Variants in FER1L6 observed in about 807,000 individuals in gnomAD.
FER1L6 encodes the protein fer-1-like protein 6.
Under a neutral mutation model 219.2 loss-of-function variants are expected in FER1L6, and 177 were observed. The observed-to-expected ratio is 0.81, with a 90% CI of 0.71 to 0.91. FER1L6 has a LOEUF of 0.91. Among genes scored for constraint, FER1L6 ranks in the 40% least tolerant of loss-of-function variants. FER1L6 has a pLI of 0.00. For missense variants in FER1L6, 2,153 were observed against 2,259.9 expected, an observed-to-expected ratio of 0.95 and a Z score of 0.96; for synonymous variants, 768 against 824.3, an observed-to-expected ratio of 0.93 and a Z score of 1.17.
chr8:124,086,836 A>G (rs1209675026), intron 33 of FER1L6, among the ~76,000 whole-genome samples: 2 of 152,138 alleles, frequency 1.3e-5, no homozygotes, highest in Non-Finnish European at 2.9e-5. Context: ...CTTCATATTT[A>G]AAGAATACTT....
intron 39 of FER1L6, among the ~76,000 whole-genome samples, chr8:124,109,475 C>T (rs747288987): frequency 1.3e-5 from 2 of 152,092 alleles, no homozygotes; most frequent in African/African-American, 2.4e-5. Context: ...GTCTGCAGTT[C>T]GACTTTACAG....
At chr8:123,933,367 C>CGTGT (rs1563692476) in intron 1 of FER1L6, among the ~76,000 whole-genome samples, 1 of 146,840 alleles carries the variant, frequency 6.8e-6, no homozygotes, top group Non-Finnish European at 1.5e-5. Context: ...TCTATCATAG[C>CGTGT]ATATGTGTGT....
intron 1 of FER1L6, among the ~76,000 whole-genome samples, chr8:123,886,227 C>T (rs1453898198): frequency 1.3e-5 from 2 of 152,036 alleles, no homozygotes; most frequent in African/African-American, 4.8e-5. Flanking sequence ...ATGGTTTGTC[C>T]CCACCTACAC....
In FER1L6 at chr8:124,080,527, A is replaced by AACAT. The variant is rs1821495806; in HGVS notation, c.4221-1761_4221-1760insACAT. Among the ~76,000 whole-genome samples the AACAT allele has an allele frequency of 7.2e-5, 11 of 152,272 alleles. No homozygotes were observed. The South Asian group carries it at 2.3e-3, about 32-fold the overall frequency. Reference sequence around the variant, plus strand: ...GAGACAGGGTTTCACCATGTTGGCCAGGCTTGTCTCGAACTCCTGGCCTCG... The same window carrying AACAT: ...GAGACAGGGTTTCACCATGTTGGCCAACATGGCTTGTCTCGAACTCCTGGCCTCG... On this transcript the variant is annotated intron_variant, in intron 32 of 40. Coordinates refer to ENST00000522917, the MANE Select transcript of FER1L6 (RefSeq NM_001039112.2).
intron 1 of FER1L6, among the ~76,000 whole-genome samples, chr8:123,893,213 G>A (rs190679235): frequency 1.5e-3 from 223 of 152,236 alleles, no homozygotes; most frequent in African/African-American, 5.2e-3. Flanking sequence ...TTCTTTGGGG[G>A]AGTTCACAGA....
Position 124,106,328 on chromosome 8 carries a change from C to CAAAA in FER1L6, c.5289+3049_5289+3052dup, listed in dbSNP as rs71289636. Among the ~76,000 whole-genome samples the CAAAA allele has an allele frequency of 9.4e-4, 60 of 63,854 alleles. 3 individuals are homozygous for CAAAA. The highest frequency in any genetic ancestry group is 2.0e-3 in the African/African-American group (31 of 15,544). The allele number at this position is 63,854 out of a possible 152,430, so 41.9% of individuals were successfully genotyped here. ...TGGGCGACAGAGTGAGACTCTGTCTCAAAAAAAAAAAAAAAAAAAAAAAAA... is the reference window on the plus strand; with the variant it reads ...TGGGCGACAGAGTGAGACTCTGTCTCAAAAAAAAAAAAAAAAAAAAAAAAAAAAA... On this transcript the variant is annotated intron_variant, in intron 39 of 40. Transcript: ENST00000522917.
chr8:124,004,997 C>CAAA (rs1358187234), intron 13 of FER1L6, among the ~76,000 whole-genome samples: 1 of 120,118 alleles, frequency 8.3e-6, no homozygotes, highest in African/African-American at 3.0e-5. Context: ...GACTCTGTCT[C>CAAA]AAAAAAAAAA....
chr8:123,862,211 G>T (rs1269196046), intron 1 of FER1L6, among the ~76,000 whole-genome samples: 3 of 77,696 alleles, frequency 3.9e-5, no homozygotes, highest in African/African-American at 6.5e-5. Flanking sequence ...TTTGTCAAAG[G>T]CTTTTTCTGC....
chr8:124,041,561 AT>A (rs1819497423), intron 20 of FER1L6, among the ~76,000 whole-genome samples: 2 of 152,128 alleles, frequency 1.3e-5, no homozygotes, highest in Non-Finnish European at 2.9e-5. Context: ...GTAATATACA[AT>A]CCAGGCATGG....
Position 123,976,001 on chromosome 8 carries a change from A to G in FER1L6, c.787A>G (p.Met263Val). The G allele has an allele frequency of 1.2e-6, 2 of 1,614,116 alleles. No homozygotes were observed. Among genetic ancestry groups the G allele is most frequent in the East Asian group, 4.5e-5 (2 of 44,880 alleles). ...GTTGCCCAAAATGAATTCAAGCATC[A>G]TGGCGAACGTCACCAAGGCATTTGT... is the stretch of plus-strand genomic sequence containing the variant. ...EGLPKMNSSI[M>V]ANVTKAFVGD... Residue 263 changes from methionine (M) to valine (V), a missense_variant, in exon 9 of 41, where the codon ATG becomes GTG. Transcript: ENST00000522917.
intron 33 of FER1L6, among the ~76,000 whole-genome samples, chr8:124,083,747 C>T (rs894962612): frequency 6.6e-6 from 1 of 152,076 alleles, no homozygotes; most frequent in African/African-American, 2.4e-5. Flanking sequence ...ATAGCTTTGG[C>T]TATTCTGTGT....
intron 1 of FER1L6, among the ~76,000 whole-genome samples, chr8:123,857,998 C>T (rs1038761296): frequency 6.6e-6 from 1 of 152,156 alleles, no homozygotes; most frequent in Non-Finnish European, 1.5e-5. Context: ...TGCAGGCATC[C>T]CCACATTTTT....
intron 30 of FER1L6, 33 bp downstream of exon 30, chr8:124,070,631 C>T: frequency 6.5e-7 from 1 of 1,535,582 alleles, no homozygotes; most frequent in East Asian, 2.3e-5. Flanking sequence ...TTATTTGGCT[C>T]TCCCTGTCCA....
At position 124,118,897 on chromosome 8, in the gene FER1L6, T is replaced by C. The variant is rs778792118; in HGVS notation, c.5343T>C (p.Asn1781=). ...HLVTAEEAEK[N]PVGKARKEPE... ...TTACAGCAGAAGAAGCTGAGAAAAA[T>C]CCTGTTGGAAAAGCCCGAAAGGAGC... The change falls in exon 40 of 41, where the codon AAT becomes AAC. Residue 1781 remains asparagine (N), a synonymous_variant. Coordinates refer to ENST00000522917, the MANE Select transcript of FER1L6 (RefSeq NM_001039112.2). 4.3e-6 allele frequency: 7 copies of C among 1,613,714 alleles called. No individual in the cohort carries two copies. In the Admixed American group the frequency reaches 1.2e-4, roughly 27 times the overall value.
chr8:123,987,869 TGGGAGGCTGAGGCAGGCG>T (rs1816667241), intron 12 of FER1L6, among the ~76,000 whole-genome samples: 1 of 152,132 alleles, frequency 6.6e-6, no homozygotes, highest in Non-Finnish European at 1.5e-5. Flanking sequence ...CCCAGCAGTT[TGGGAGGCTGAGGCAGGCG>T]GATCACGAGG....
chr8:123,891,378 T>G (rs1178911807), intron 1 of FER1L6, among the ~76,000 whole-genome samples: 2 of 152,210 alleles, frequency 1.3e-5, no homozygotes, highest in African/African-American at 4.8e-5. Flanking sequence ...AGGAGATTTA[T>G]TCTCATATTG....
chr8:124,118,228 G>T (rs933433304), intron 39 of FER1L6, among the ~76,000 whole-genome samples: 5 of 152,122 alleles, frequency 3.3e-5, no homozygotes, highest in Non-Finnish European at 5.9e-5. Flanking sequence ...GATAAATCAA[G>T]ACATACATCC....
intron 20 of FER1L6, among the ~76,000 whole-genome samples, chr8:124,041,916 A>G (rs905142656): frequency 2.6e-5 from 4 of 152,156 alleles, no homozygotes; most frequent in Middle Eastern, 3.2e-3. Context: ...CAATTTCTTT[A>G]TCTGTGAAAT....
chr8:123,927,571 T>C (rs1349675757), intron 1 of FER1L6, among the ~76,000 whole-genome samples: 1 of 152,226 alleles, frequency 6.6e-6, no homozygotes, highest in Non-Finnish European at 1.5e-5. Flanking sequence ...TATCCTGAGT[T>C]TTGAAAACCT....
Sources: allele counts gnomAD v4.1 joint callset (sites outside exome capture counted in the v4.1 genomes callset), GRCh38; gene constraint gnomAD v4.1.1; transcripts MANE v1.5; gene names NCBI Gene and HGNC (gene_info 2026-07-23, HGNC 2026-07-21).